The following BRWD3 variants were observed in gnomAD, a reference collection of about 807,000 sequenced individuals.
BRWD3 encodes the protein bromodomain and WD repeat domain containing 3, also known as bromodomain and WD repeat-containing protein 3.
In BRWD3, 10 loss-of-function variants were observed where a neutral mutation model predicts 149.7. The ratio of observed to expected loss-of-function variants is 0.07; its 90% confidence interval spans 0.04 to 0.11. BRWD3 has a LOEUF of 0.11. Among genes scored for constraint, BRWD3 ranks in the 10% least tolerant of loss-of-function variants. BRWD3 has a pLI of 1.00. For missense variants in BRWD3, 940 were observed against 1,373.2 expected (o/e 0.68, Z 4.99); for synonymous variants, 504 against 456.7 (o/e 1.10, Z -1.32).
intron 6 of BRWD3, among the ~76,000 whole-genome samples, chrX:80,784,426 C>T (rs1569286608): frequency 9.0e-6 from 1 of 111,377 alleles, no homozygotes; most frequent in Non-Finnish European, 1.9e-5. Flanking sequence ...ATGTGCAGAA[C>T]GTGCAGGTTT....
rs1200617646 is a variant in BRWD3, at chrX:80,675,040, C to G, written c.*1569G>C. On this transcript the variant is annotated 3_prime_UTR_variant, in exon 41 of 41. Coordinates refer to ENST00000373275, the MANE Select transcript of BRWD3 (RefSeq NM_153252.5). ...TGCAACAAATTTGCTGTTACAGAAA[C>G]AGAAATTGCTATTATCCCTCTTACC... is the stretch of plus-strand genomic sequence containing the variant. 9.0e-6 allele frequency: 1 copy of G among 111,347 alleles called. No individual in the cohort carries two copies. Among genetic ancestry groups the G allele is most frequent in the East Asian group, 2.8e-4 (1 of 3,550 alleles). The allele number at this position is 111,347 out of a possible 1,213,427, so 9.2% of individuals were successfully genotyped here. A position where few individuals can be genotyped will look rare whatever the true frequency, so the allele number is the denominator to read the frequency against.
chrX:80,744,615 C>A (rs1189196795), intron 7 of BRWD3, among the ~76,000 whole-genome samples: 1 of 112,152 alleles, frequency 8.9e-6, no homozygotes, highest in Non-Finnish European at 1.9e-5. Flanking sequence ...ATTTTTTCCA[C>A]AAATTATTCA....
At chrX:80,732,728 G>C (rs1229885613) in intron 12 of BRWD3, among the ~76,000 whole-genome samples, 1 of 112,000 alleles carries the variant, frequency 8.9e-6, no homozygotes, top group Non-Finnish European at 1.9e-5. Context: ...GATTCATATA[G>C]AGAATAGTAG....
At chrX:80,740,666 T>C (rs1602379183) in intron 8 of BRWD3, among the ~76,000 whole-genome samples, 1 of 111,695 alleles carries the variant, frequency 9.0e-6, no homozygotes, top group Admixed American at 9.5e-5. Context: ...GGAAGATCAC[T>C]TGAACCTGGG....
intron 6 of BRWD3, among the ~76,000 whole-genome samples, chrX:80,765,743 T>C (rs1398980753): frequency 8.9e-6 from 1 of 111,832 alleles, no homozygotes; most frequent in Non-Finnish European, 1.9e-5. Context: ...TTTTACCTCA[T>C]TGTATTTATG....
At chrX:80,774,245 TTTTTTTTA>T (rs1434677298) in intron 6 of BRWD3, among the ~76,000 whole-genome samples, 5 of 110,653 alleles carry the variant, frequency 4.5e-5, no homozygotes, top group African/African-American at 6.6e-5. Flanking sequence ...TTCCTTCAGA[TTTTTTTTA>T]TTTTTTTATT....
chrX:80,725,308 C>A (rs1326779845), intron 14 of BRWD3, among the ~76,000 whole-genome samples: 1 of 111,753 alleles, frequency 8.9e-6, no homozygotes, highest in Non-Finnish European at 1.9e-5. Context: ...TAAAGATAGT[C>A]TAAACAGTTA....
At chrX:80,695,520 G>A (rs6622355) in intron 27 of BRWD3, among the ~76,000 whole-genome samples, 7,882 of 111,001 alleles carry the variant, frequency 0.071, 555 homozygotes, top group African/African-American at 0.21. Flanking sequence ...AGAAAGAAGG[G>A]TAAAAGAGCA....
At chrX:80,753,198 A>C (rs1300343780) in intron 6 of BRWD3, among the ~76,000 whole-genome samples, 1 of 109,850 alleles carries the variant, frequency 9.1e-6, no homozygotes, top group Non-Finnish European at 1.9e-5. Flanking sequence ...TTTGTTGTGC[A>C]TAAGCTTTTT....
At chrX:80,806,772 T>C (rs1029670153) in intron 4 of BRWD3, among the ~76,000 whole-genome samples, 1 of 112,556 alleles carries the variant, frequency 8.9e-6, no homozygotes. Context: ...AATACACAAG[T>C]ACATTTTTAA....
chrX:80,679,431 ATTTTTATT>A (rs1322875882), intron 40 of BRWD3, among the ~76,000 whole-genome samples: 6 of 111,552 alleles, frequency 5.4e-5, no homozygotes, highest in Admixed American at 1.9e-4. Flanking sequence ...GCAACCGAAT[ATTTTTATT>A]TTTTTATTTT....
intron 6 of BRWD3, among the ~76,000 whole-genome samples, chrX:80,782,106 C>A (rs920989341): frequency 3.6e-5 from 4 of 111,430 alleles, no homozygotes; most frequent in African/African-American, 1.3e-4. Context: ...TTTCAAATTA[C>A]ACTACAGGGC....
chrX:80,672,409 AGGGAGGGAGGGAGGG>A lies in BRWD3; in HGVS notation c.*4185_*4199del. The A allele has an allele frequency of 1.6e-5, 1 of 61,806 alleles. No individual in the cohort carries two copies. The highest frequency in any genetic ancestry group is 6.5e-4 in the East Asian group (1 of 1,530). The allele number at this position is 61,806 out of a possible 1,213,427, so 5.1% of individuals were successfully genotyped here. A position where few individuals can be genotyped will look rare whatever the true frequency, so the allele number is the denominator to read the frequency against. On this transcript the variant is annotated 3_prime_UTR_variant, in exon 41 of 41. Transcript: ENST00000373275. ...AAGGAAGGAAGGAGGGAAGGAAGAGAGGGAGGGAGGGAGGGGGGAGGGAGGAATGAAGGAATGAAG... is the reference window on the plus strand; with the variant it reads ...AAGGAAGGAAGGAGGGAAGGAAGAGAGGGAGGGAGGAATGAAGGAATGAAG...
At chrX:80,698,965 C>A (rs1017984684) in intron 25 of BRWD3, among the ~76,000 whole-genome samples, 2 of 110,910 alleles carry the variant, frequency 1.8e-5, no homozygotes, top group South Asian at 3.8e-4. Flanking sequence ...TGTATCCCAG[C>A]ACTTTGGGAG....
chrX:80,754,812 G>A (rs2073717918), intron 6 of BRWD3, among the ~76,000 whole-genome samples: 1 of 111,463 alleles, frequency 9.0e-6, no homozygotes, highest in Non-Finnish European at 1.9e-5. Context: ...TTTGAGACCA[G>A]CCTGGCCAAC....
intron 35 of BRWD3, among the ~76,000 whole-genome samples, 157 bp downstream of exon 35, chrX:80,686,706 T>A (rs1019549441): frequency 4.5e-5 from 5 of 111,313 alleles, no homozygotes; most frequent in African/African-American, 9.8e-5. Flanking sequence ...TACATTTTTT[T>A]AAAAATCACA....
intron 6 of BRWD3, among the ~76,000 whole-genome samples, chrX:80,751,094 G>C (rs2073660738): frequency 9.0e-6 from 1 of 111,157 alleles, no homozygotes; most frequent in African/African-American, 3.3e-5. Flanking sequence ...CAGGATACAA[G>C]GAAAGGAGAG....
intron 5 of BRWD3, among the ~76,000 whole-genome samples, chrX:80,793,159 T>TTAA (rs2074200403): frequency 1.0e-3 from 2 of 1,938 alleles, no homozygotes; most frequent in Non-Finnish European, 0.018. Flanking sequence ...AGACTCTGTC[T>TTAA]CAAAAAAAAA....
At chrX:80,696,202 C>T (rs970293962) in intron 26 of BRWD3, among the ~76,000 whole-genome samples, 2 of 110,458 alleles carry the variant, frequency 1.8e-5, no homozygotes, top group African/African-American at 6.6e-5. Flanking sequence ...ATAAAGATGC[C>T]AATACAGGTT....
Sources: allele counts gnomAD v4.1 joint callset (sites outside exome capture counted in the v4.1 genomes callset), GRCh38; gene constraint gnomAD v4.1.1; transcripts MANE v1.5; gene names NCBI Gene and HGNC (gene_info 2026-07-23, HGNC 2026-07-21).